ABCA10: variants seen among roughly 807,000 people sequenced by gnomAD.
ABCA10 encodes the protein ATP binding cassette subfamily A member 10.
A neutral mutation model predicts 187.5 loss-of-function variants in ABCA10; 169 were observed. That is an observed-to-expected ratio of 0.90 (90% CI 0.80 to 1.02). ABCA10 has a LOEUF of 1.02. Among genes scored for constraint, ABCA10 ranks in the 50% least tolerant of loss-of-function variants. The pLI is 0.00. For synonymous variants in ABCA10, 574 were observed against 601.8 expected, an observed-to-expected ratio of 0.95 and a Z score of 0.68; for missense variants, 1,727 against 1,812.4, an observed-to-expected ratio of 0.95 and a Z score of 0.86.
upstream of ABCA10, among the ~76,000 whole-genome samples, chr17:69,230,848 CTT>C (rs1284272307): frequency 2.0e-5 from 3 of 152,212 alleles, no homozygotes; most frequent in East Asian, 5.8e-4. Context: ...TTGGTTATCT[CTT>C]TTTATTTTAT....
chr17:69,225,444 G>A lies in ABCA10; in HGVS notation c.-86C>T. 1 of 1,461,996 alleles carries A rather than the reference G, an allele frequency of 6.8e-7. No homozygotes were observed. Among genetic ancestry groups the A allele is most frequent in the South Asian group, 1.2e-5 (1 of 84,662 alleles). The allele number at this position is 1,461,996 out of a possible 1,614,324, so 90.6% of individuals were successfully genotyped here. A position where few individuals can be genotyped will look rare whatever the true frequency, so the allele number is the denominator to read the frequency against. On this transcript the variant is annotated 5_prime_UTR_variant, in exon 3 of 39. Coordinates refer to ENST00000690296, the MANE Select transcript of ABCA10 (RefSeq NM_001377321.1). ...CTGATCCACGCTTCCCAGGACTTTA[G>A]GAGGTTGTTCAGGAAAACGGGTAGC...
intron 34 of ABCA10, 106 bp downstream of exon 34, chr17:69,153,199 C>A: frequency 7.3e-7 from 1 of 1,373,258 alleles, no homozygotes; most frequent in East Asian, 2.3e-5. Flanking sequence ...ATGTGCACAT[C>A]AAAGGTTAAT....
chr17:69,216,383 T>C, intron 6 of ABCA10, 25 bp from the exon 7 acceptor site: 1 of 1,593,498 alleles, frequency 6.3e-7, no homozygotes, highest in South Asian at 1.2e-5. Context: ...AGGTGTTAGT[T>C]CAACTGTCAC....
intron 20 of ABCA10, 27 bp from the exon 21 acceptor site, chr17:69,182,835 G>GA (rs60708995): frequency 8.3e-3 from 10,903 of 1,313,384 alleles, no homozygotes; most frequent in East Asian, 0.021. Flanking sequence ...AAGGCAACAA[G>GA]AAAAAAAAAA....
intron 1 of ABCA10, among the ~76,000 whole-genome samples, chr17:69,227,765 A>G (rs1334148109): frequency 6.6e-6 from 1 of 151,972 alleles, no homozygotes; most frequent in East Asian, 1.9e-4. Flanking sequence ...ATATCTTGTT[A>G]ACCACTGGGC....
rs2074468972 is a variant in ABCA10, at chr17:69,192,589, T to C, written c.1845A>G (p.Arg615=). ...KCAGSSLFLK[R]KWGIGYHLSL... is the part of the protein sequence containing the mutation. ...TTAAATGATATCCAATACCCCACTT[T>C]CGCTTCAGAAACAAAGATGATCCTG... is the stretch of plus-strand genomic sequence containing the variant. The change falls in exon 16 of 39, where the codon CGA becomes CGG. Residue 615 remains arginine, a synonymous_variant. Transcript: ENST00000690296. 1.2e-6 allele frequency: 2 copies of C among 1,613,322 alleles called. No individual in the cohort carries two copies. The highest frequency in any genetic ancestry group is 1.7e-6 in the Non-Finnish European group (2 of 1,179,672).
intron 23 of ABCA10, 104 bp from the exon 24 acceptor site, chr17:69,174,881 G>A (rs1009926484): frequency 1.5e-5 from 15 of 999,920 alleles, no homozygotes; most frequent in Non-Finnish European, 2.1e-5. Context: ...GTATGTTATA[G>A]TGTCTGTGTG....
rs75435520 is a variant in ABCA10, at chr17:69,155,153, A to G, written c.3577-17T>C. 519 of 1,527,466 alleles carry G rather than the reference A, an allele frequency of 3.4e-4. 8 individuals carry two copies. In the East Asian group the frequency reaches 0.012, roughly 34 times the overall value. The allele number at this position is 1,527,466 out of a possible 1,614,324, so 94.6% of individuals were successfully genotyped here. A position where few individuals can be genotyped will look rare whatever the true frequency, so the allele number is the denominator to read the frequency against. ...GACTGGTTCCTGGAAAACATGACAAAGCATGATTTCCCTGTTAAATTTCAG... is the reference window on the plus strand; with the variant it reads ...GACTGGTTCCTGGAAAACATGACAAGGCATGATTTCCCTGTTAAATTTCAG... On this transcript the variant is annotated splice_polypyrimidine_tract_variant and intron_variant, in intron 29 of 38. Transcript: ENST00000690296.
At chr17:69,219,426 A>G (rs1598123338) in intron 6 of ABCA10, 119 bp downstream of exon 6, 1 of 641,932 alleles carries the variant, frequency 1.6e-6, no homozygotes, top group East Asian at 2.8e-5. Context: ...TAATGCAAGT[A>G]AGGTGATTAA....
chr17:69,184,849 A>ATGTGTGTGTG (rs139291537), intron 20 of ABCA10, among the ~76,000 whole-genome samples: 49 of 144,082 alleles, frequency 3.4e-4, no homozygotes, highest in African/African-American at 1.2e-3. Context: ...ATATATGTAT[A>ATGTGTGTGTG]TGTGTGTGTG....
chr17:69,215,950 A>C lies in ABCA10; in HGVS notation c.723T>G (p.Ala241=). ...MSVLIRKPML[A]GLAGFLFTVF... ...CAGTGAAGAGAAATCCAGCCAAACC[A>C]GCGAGCATAGGTTTCCTTATTAAAA... Residue 241 remains alanine, a synonymous_variant, in exon 8 of 39, where the codon GCT becomes GCG. Coordinates refer to ENST00000690296, the MANE Select transcript of ABCA10 (RefSeq NM_001377321.1). 1 of 1,613,996 alleles carries C rather than the reference A, an allele frequency of 6.2e-7. No homozygotes were observed. Among genetic ancestry groups the C allele is most frequent in the Non-Finnish European group, 8.5e-7 (1 of 1,179,960 alleles).
rs376919212 is a variant in ABCA10 at position 69,222,237 on chromosome 17, C to A, written c.199+296G>T. Among the ~76,000 whole-genome samples the A allele has an allele frequency of 7.9e-5, 12 of 151,526 alleles. No individual in the cohort carries two copies. In the East Asian group the frequency reaches 1.2e-3, roughly 15 times the overall value. On this transcript the variant is annotated intron_variant, in intron 4 of 38. Coordinates refer to ENST00000690296, the MANE Select transcript of ABCA10 (RefSeq NM_001377321.1). The stretch of plus-strand genomic sequence containing the variant: ...CCTGTAGTCCCAGCTACTTTGGAGG[C>A]TTAGGCAGGAGAATCACTGGATCTC...
intron 25 of ABCA10, among the ~76,000 whole-genome samples, chr17:69,165,865 A>C (rs1489304628): frequency 6.6e-6 from 1 of 152,204 alleles, no homozygotes; most frequent in East Asian, 1.9e-4. Context: ...TCATGAATGC[A>C]TAAAATATAT....
At chr17:69,203,353 AC>A (rs904202267) in intron 9 of ABCA10, among the ~76,000 whole-genome samples, 8 of 152,192 alleles carry the variant, frequency 5.3e-5, no homozygotes, top group African/African-American at 1.9e-4. Context: ...ATTTTTAAAA[AC>A]ATATCAAAAA....
intron 27 of ABCA10, among the ~76,000 whole-genome samples, chr17:69,158,574 A>C (rs765869371): frequency 6.6e-6 from 1 of 152,034 alleles, no homozygotes; most frequent in Non-Finnish European, 1.5e-5. Context: ...ATAAACCTTA[A>C]ATGCAGATAA....
At chr17:69,195,663 A>T (rs2074494254) in intron 11 of ABCA10, among the ~76,000 whole-genome samples, 1 of 150,994 alleles carries the variant, frequency 6.6e-6, no homozygotes, top group Admixed American at 6.6e-5. Flanking sequence ...GCAGATAAAC[A>T]TGTGAACAAG....
chr17:69,235,542 G>C (rs1037848529), intron 1 of ABCA10, among the ~76,000 whole-genome samples: 1 of 152,086 alleles, frequency 6.6e-6, no homozygotes, highest in African/African-American at 2.4e-5. Context: ...AGTTCATTCA[G>C]TTCTGGCTTC....
intron 25 of ABCA10, among the ~76,000 whole-genome samples, chr17:69,171,281 A>G (rs577001972): frequency 2.0e-5 from 3 of 152,350 alleles, no homozygotes; most frequent in African/African-American, 7.2e-5. Context: ...ACAAGTAACA[A>G]AAGATTAGGA....
chr17:69,175,381 C>T (rs756207704), intron 23 of ABCA10, 25 bp downstream of exon 23: 2 of 1,572,674 alleles, frequency 1.3e-6, no homozygotes, highest in Non-Finnish European at 8.7e-7. Flanking sequence ...CAATCTCAAT[C>T]TAATTTCCTC....
Sources: gnomAD v4.1 joint callset for allele counts (sites outside exome capture counted in the v4.1 genomes callset) on GRCh38, gnomAD v4.1.1 for gene constraint, MANE v1.5 for transcripts, NCBI Gene and HGNC (gene_info 2026-07-23, HGNC 2026-07-21) for gene names.